LUZP2: variants seen among roughly 807,000 people sequenced by gnomAD.
LUZP2 encodes the protein leucine zipper protein 2.
Under a neutral mutation model 51.6 loss-of-function variants are expected in LUZP2, and 52 were observed. That is an observed-to-expected ratio of 1.01 (90% CI 0.81 to 1.27). The LOEUF is 1.27. LUZP2 is among the 50% of genes most tolerant of loss of function. The pLI, the probability that LUZP2 is intolerant of heterozygous loss-of-function variation, is 0.00. For synonymous variants in LUZP2, 154 were observed against 137.3 expected (o/e 1.12, Z -0.85); for missense variants, 436 against 395.4 (o/e 1.10, Z -0.87).
chr11:24,602,901 C>T lies in LUZP2; in HGVS notation c.62+105596C>T, dbSNP rs575539612. On this transcript the variant is annotated intron_variant, in intron 1 of 11. Coordinates refer to ENST00000336930, the MANE Select transcript of LUZP2 (RefSeq NM_001009909.4). ...TCTATTACTGTTATTTCACAAAGAA[C>T]GAAAATTACTATTATATGGCAGAAT... Among the ~76,000 whole-genome samples the T allele has an allele frequency of 8.6e-5, 13 of 151,476 alleles. No individual in the cohort carries two copies. In the East Asian group the frequency reaches 1.4e-3, roughly 16 times the overall value.
chr11:24,608,291 A>C (rs1854002253), intron 1 of LUZP2, among the ~76,000 whole-genome samples: 1 of 152,228 alleles, frequency 6.6e-6, no homozygotes, highest in Non-Finnish European at 1.5e-5. Context: ...ACACAGAGTG[A>C]GTATAATTCT....
chr11:24,983,702 A>G (rs1393303777), intron 9 of LUZP2, among the ~76,000 whole-genome samples: 1 of 151,388 alleles, frequency 6.6e-6, no homozygotes, highest in Non-Finnish European at 1.5e-5. Context: ...AACTCTCAAC[A>G]CTGGCTGCAC....
chr11:24,984,549 T>TATAAAA lies in LUZP2; in HGVS notation c.765+1257_765+1258insTAAAAA, dbSNP rs60530495. On this transcript the variant is annotated intron_variant, in intron 9 of 11. Transcript: ENST00000336930. ...TTATATATATATATATATATATATATAATTGTGAATTTTAAAAGCCACAAG... is the reference window on the plus strand; with the variant it reads ...TTATATATATATATATATATATATATATAAAAAATTGTGAATTTTAAAAGCCACAAG... 5.4e-3 allele frequency among the ~76,000 whole-genome samples: 387 copies of TATAAAA among 71,216 alleles called. 8 individuals carry two copies. The highest frequency in any genetic ancestry group is 0.017 in the African/African-American group (359 of 20,884). 46.7% of individuals were successfully genotyped at this position (71,216 alleles called of 152,430 possible).
At chr11:24,702,072 C>T (rs886398568) in intron 1 of LUZP2, among the ~76,000 whole-genome samples, 2 of 152,112 alleles carry the variant, frequency 1.3e-5, no homozygotes, top group African/African-American at 2.4e-5. Context: ...TTCCTAATAA[C>T]ATTGTTAACG....
chr11:24,556,790 T>C (rs1049002213), intron 1 of LUZP2, among the ~76,000 whole-genome samples: 1 of 152,154 alleles, frequency 6.6e-6, no homozygotes, highest in Non-Finnish European at 1.5e-5. Context: ...CCAACCCTAT[T>C]TTTTGCCTCT....
chr11:24,944,845 C>T (rs1314210151), intron 7 of LUZP2, among the ~76,000 whole-genome samples: 1 of 152,114 alleles, frequency 6.6e-6, no homozygotes, highest in Non-Finnish European at 1.5e-5. Flanking sequence ...TATTAGAATG[C>T]CTTCTGTTGC....
intron 5 of LUZP2, among the ~76,000 whole-genome samples, chr11:24,801,523 T>C (rs912561321): frequency 6.6e-6 from 1 of 151,970 alleles, no homozygotes; most frequent in Non-Finnish European, 1.5e-5. Context: ...TATTATTTTA[T>C]AAATGAGGCT....
chr11:24,637,713 G>T (rs776588940), intron 1 of LUZP2, among the ~76,000 whole-genome samples: 5 of 151,818 alleles, frequency 3.3e-5, no homozygotes, highest in Non-Finnish European at 5.9e-5. Flanking sequence ...CTAGGATTGG[G>T]AAATTCCAGC....
At chr11:24,798,926 G>A (rs1468677298) in intron 5 of LUZP2, among the ~76,000 whole-genome samples, 3 of 152,138 alleles carry the variant, frequency 2.0e-5, no homozygotes, top group Non-Finnish European at 4.4e-5. Flanking sequence ...TTTTGGCTGG[G>A]TGAGCTTCCT....
chr11:24,634,593 C>T (rs1217897594), intron 1 of LUZP2, among the ~76,000 whole-genome samples: 1 of 150,564 alleles, frequency 6.6e-6, no homozygotes, highest in Non-Finnish European at 1.5e-5. Context: ...TTTTGCATTA[C>T]TGCTTTTTTA....
At chr11:24,860,722 G>A (rs1851714746) in intron 5 of LUZP2, among the ~76,000 whole-genome samples, 1 of 152,046 alleles carries the variant, frequency 6.6e-6, no homozygotes, top group Non-Finnish European at 1.5e-5. Context: ...CCTGACTATT[G>A]AAAGAAAGAC....
intron 5 of LUZP2, among the ~76,000 whole-genome samples, chr11:24,766,140 G>C (rs372680219): frequency 2.4e-4 from 36 of 152,146 alleles, no homozygotes; most frequent in African/African-American, 7.7e-4. Context: ...TTTAACCTCT[G>C]AATTGTACTG....
At chr11:24,539,102 A>G (rs537378242) in intron 1 of LUZP2, among the ~76,000 whole-genome samples, 24 of 151,960 alleles carry the variant, frequency 1.6e-4, no homozygotes, top group Admixed American at 1.2e-3. Flanking sequence ...TTTTTATGTC[A>G]TATGTTCTAT....
At chr11:24,829,936 C>T (rs1256421212) in intron 5 of LUZP2, among the ~76,000 whole-genome samples, 1 of 152,074 alleles carries the variant, frequency 6.6e-6, no homozygotes, top group Non-Finnish European at 1.5e-5. Context: ...TCATAGTACT[C>T]CCTGCTGTCT....
At chr11:24,953,040 G>T (rs1358146865) in intron 7 of LUZP2, among the ~76,000 whole-genome samples, 1 of 151,682 alleles carries the variant, frequency 6.6e-6, no homozygotes, top group African/African-American at 2.4e-5. Context: ...AGTCTGTCGA[G>T]AAATAGACTA....
intron 7 of LUZP2, among the ~76,000 whole-genome samples, chr11:24,959,797 G>T (rs976296036): frequency 6.6e-6 from 1 of 152,100 alleles, no homozygotes; most frequent in Non-Finnish European, 1.5e-5. Context: ...TGTTGAATAG[G>T]AGTGGTGAGA....
chr11:25,048,304 T>C (rs1410731527), intron 9 of LUZP2, among the ~76,000 whole-genome samples: 1 of 152,198 alleles, frequency 6.6e-6, no homozygotes. Context: ...ATTCTTGCCA[T>C]AGTTATTCAG....
At chr11:24,727,418 T>G (rs901220658) in intron 1 of LUZP2, among the ~76,000 whole-genome samples, 3 of 152,040 alleles carry the variant, frequency 2.0e-5, no homozygotes, top group African/African-American at 7.2e-5. Flanking sequence ...TAGGTACGGA[T>G]GTGTTATGCA....
chr11:24,752,454 T>C (rs111883081), intron 4 of LUZP2, among the ~76,000 whole-genome samples: 2,121 of 152,270 alleles, frequency 0.014, 46 homozygotes, highest in South Asian at 0.087. Context: ...GGAAATACTG[T>C]ACTCAAAAAC....
Sources: allele counts gnomAD v4.1 joint callset (sites outside exome capture counted in the v4.1 genomes callset), GRCh38; gene constraint gnomAD v4.1.1; transcripts MANE v1.5; gene names NCBI Gene and HGNC (gene_info 2026-07-23, HGNC 2026-07-21).